The following KLHL3 variants were observed in gnomAD, a reference collection of about 807,000 sequenced individuals.
The protein encoded by KLHL3 is kelch like family member 3, also known as kelch-like protein 3.
KLHL3 carries 19 observed loss-of-function variants against 70.5 expected under a neutral mutation model. The observed-to-expected ratio is 0.27, with a 90% confidence interval of 0.19 to 0.40. The LOEUF is 0.40. Among genes scored for constraint, KLHL3 ranks in the 10% least tolerant of loss-of-function variants. The probability of loss-of-function intolerance (pLI) is 1.00; values close to 1 mark genes in which losing one functional copy is unlikely to be tolerated. For synonymous variants in KLHL3, 258 were observed against 290.3 expected (o/e 0.89, Z 1.13); for missense variants, 512 against 771.1 (o/e 0.66, Z 3.98).
intron 8 of KLHL3, among the ~76,000 whole-genome samples, chr5:137,656,286 C>A (rs567183770): frequency 6.6e-6 from 1 of 151,730 alleles, no homozygotes; most frequent in South Asian, 2.1e-4. Flanking sequence ...TGCATAAATA[C>A]AATTAAACAC....
chr5:137,689,297 GAAC>G (rs1752260138), intron 5 of KLHL3, among the ~76,000 whole-genome samples: 1 of 152,206 alleles, frequency 6.6e-6, no homozygotes, highest in African/African-American at 2.4e-5. Flanking sequence ...ACTAAAAATA[GAAC>G]CACCATTTGA....
intron 1 of KLHL3, among the ~76,000 whole-genome samples, chr5:137,733,801 A>G (rs1753217431): frequency 3.3e-5 from 5 of 152,222 alleles, no homozygotes; most frequent in Admixed American, 3.3e-4. Context: ...AATTCTCAGT[A>G]GGTATATGAG....
chr5:137,657,331 C>A (rs1751368401), intron 8 of KLHL3, among the ~76,000 whole-genome samples: 1 of 152,140 alleles, frequency 6.6e-6, no homozygotes, highest in Admixed American at 6.5e-5. Context: ...ACCTTTCCTC[C>A]TGGGTTGACT....
At chr5:137,637,193 G>T in intron 11 of KLHL3, 101 bp downstream of exon 11, 1 of 930,174 alleles carries the variant, frequency 1.1e-6, no homozygotes, top group Non-Finnish European at 1.7e-6. Flanking sequence ...GTGATCTCAG[G>T]AAAAAAAACA....
intron 8 of KLHL3, 44 bp from the exon 9 acceptor site, chr5:137,640,021 T>C: frequency 1.3e-6 from 2 of 1,505,876 alleles, no homozygotes; most frequent in South Asian, 1.1e-5. Flanking sequence ...CCCCAAAATC[T>C]GGATTTATGG....
At chr5:137,662,576 A>G (rs1215456284) in intron 6 of KLHL3, among the ~76,000 whole-genome samples, 1 of 152,160 alleles carries the variant, frequency 6.6e-6, no homozygotes, top group Non-Finnish European at 1.5e-5. Flanking sequence ...AATGGCAAAC[A>G]TTTCTCCTTG....
chr5:137,683,570 C>G (rs1752086741), intron 5 of KLHL3, among the ~76,000 whole-genome samples: 3 of 152,118 alleles, frequency 2.0e-5, no homozygotes, highest in African/African-American at 7.2e-5. Context: ...TCAGTTCCCA[C>G]AGGGAAGTAA....
At chr5:137,694,260 C>A (rs1178522699) in intron 4 of KLHL3, among the ~76,000 whole-genome samples, 1 of 152,202 alleles carries the variant, frequency 6.6e-6, no homozygotes, top group Non-Finnish European at 1.5e-5. Context: ...TTCCTCCATC[C>A]TCTCTTCCAC....
chr5:137,722,061 T>C (rs947659744), intron 1 of KLHL3, among the ~76,000 whole-genome samples: 1 of 152,208 alleles, frequency 6.6e-6, no homozygotes, highest in Admixed American at 6.5e-5. Context: ...TGAGGACCCA[T>C]AGTTCACTCC....
chr5:137,632,110 C>T (rs1415869218), intron 12 of KLHL3, among the ~76,000 whole-genome samples: 1 of 152,150 alleles, frequency 6.6e-6, no homozygotes, highest in Non-Finnish European at 1.5e-5. Context: ...CAACACAATT[C>T]CTATCAAACT....
chr5:137,709,761 G>A lies in KLHL3; in HGVS notation c.230C>T (p.Ala77Val), dbSNP rs199469623. The change falls in exon 3 of 15, where the codon GCG becomes GTG. Residue 77 changes from alanine (A) to valine (V), a missense_variant. Ala to Val is a moderately conservative substitution (Grantham distance 64). Coordinates refer to ENST00000309755, the MANE Select transcript of KLHL3 (RefSeq NM_017415.3). ...GCCACTCACCATACCTGTGAACATC[G>A]CACAGAAGTAGGGGCTGCAGGCTGC... is the stretch of plus-strand genomic sequence containing the variant. Reference protein sequence around the residue: ...VLAACSPYFCAMFTGDMSESK... With the variant: ...VLAACSPYFCVMFTGDMSESK... 6.2e-6 allele frequency: 10 copies of A among 1,612,936 alleles called. No individual in the cohort carries two copies. Among genetic ancestry groups the A allele is most frequent in the African/African-American group, 4.0e-5 (3 of 74,850 alleles).
chr5:137,649,871 G>C (rs572044376), intron 8 of KLHL3, among the ~76,000 whole-genome samples: 1 of 152,200 alleles, frequency 6.6e-6, no homozygotes, highest in African/African-American at 2.4e-5. Flanking sequence ...CTTTGAGTCA[G>C]CCAGACTTGG....
At position 137,720,315 on chromosome 5, in the gene KLHL3, A is replaced by G. The variant is rs1752973561; in HGVS notation, c.134+150T>C. On this transcript the variant is annotated intron_variant, in intron 2 of 14. Transcript: ENST00000309755. The stretch of plus-strand genomic sequence containing the variant: ...GATTCCGTCTCAAAAAAAAAAAAAG[A>G]GAGAAAGAAAGGGGAACTCAAGTGA... The G allele has an allele frequency of 5.9e-6, 5 of 840,380 alleles. No homozygotes were observed. The East Asian group carries it at 1.1e-4, about 18-fold the overall frequency. The allele number at this position is 840,380 out of a possible 1,614,324, so 52.1% of individuals were successfully genotyped here.
At chr5:137,661,713 G>C in intron 7 of KLHL3, 2 of 486,968 alleles carry the variant, frequency 4.1e-6, no homozygotes, top group South Asian at 7.9e-5. Flanking sequence ...GCAGAGCAGA[G>C]ACTGAAACCT....
At chr5:137,701,352 T>A (rs899281854) in intron 3 of KLHL3, among the ~76,000 whole-genome samples, 1 of 152,120 alleles carries the variant, frequency 6.6e-6, no homozygotes, top group Admixed American at 6.5e-5. Flanking sequence ...CCGGCCAAAA[T>A]TGGCATTTCA....
At chr5:137,673,137 C>A (rs1580750077) in intron 6 of KLHL3, among the ~76,000 whole-genome samples, 1 of 152,302 alleles carries the variant, frequency 6.6e-6, no homozygotes, top group East Asian at 1.9e-4. Flanking sequence ...AACCCCAGCC[C>A]ATCCTGGGAA....
chr5:137,664,486 CA>C (rs1751564313), intron 6 of KLHL3, among the ~76,000 whole-genome samples: 1 of 152,044 alleles, frequency 6.6e-6, no homozygotes, highest in Admixed American at 6.5e-5. Context: ...GCAATACCAC[CA>C]ATGTAATAAC....
At chr5:137,662,565 G>A (rs1444809688) in intron 6 of KLHL3, among the ~76,000 whole-genome samples, 1 of 152,156 alleles carries the variant, frequency 6.6e-6, no homozygotes, top group Non-Finnish European at 1.5e-5. Flanking sequence ...GAATGACAAG[G>A]AATGGCAAAC....
At chr5:137,670,289 A>C (rs1580747889) in intron 6 of KLHL3, among the ~76,000 whole-genome samples, 1 of 152,112 alleles carries the variant, frequency 6.6e-6, no homozygotes, top group South Asian at 2.1e-4. Context: ...GGCAACCTAG[A>C]TTCCCAGGAT....
Sources: allele counts gnomAD v4.1 joint callset (sites outside exome capture counted in the v4.1 genomes callset), GRCh38; gene constraint gnomAD v4.1.1; transcripts MANE v1.5; gene names NCBI Gene and HGNC (gene_info 2026-07-23, HGNC 2026-07-21).